The following FOXO3 variants were observed in gnomAD, a reference collection of about 807,000 sequenced individuals.
FOXO3 encodes the protein forkhead box protein O3.
In FOXO3, 4 loss-of-function variants were observed where a neutral mutation model predicts 41.9. The ratio of observed to expected loss-of-function variants is 0.10; its 90% CI spans 0.05 to 0.22. The LOEUF (loss-of-function observed/expected upper bound fraction) is 0.22, where lower values mean the gene tolerates loss of function less well. Among genes scored for constraint, FOXO3 ranks in the 10% least tolerant of loss-of-function variants. FOXO3 has a pLI of 1.00. For missense variants in FOXO3, 534 were observed against 906.8 expected, an observed-to-expected ratio of 0.59 and a Z score of 5.28; for synonymous variants, 318 against 389.3, an observed-to-expected ratio of 0.82 and a Z score of 2.16.
Position 108,681,911 on chromosome 6 carries a change from C to G in FOXO3, c.*2119C>G, listed in dbSNP as rs1402385934. ...TCCAGTAGCAGTGAAGGAGGGTTGCCTCTCCAAGCTTCCTAAGGGATGCTG... is the reference window on the plus strand; with the variant it reads ...TCCAGTAGCAGTGAAGGAGGGTTGCGTCTCCAAGCTTCCTAAGGGATGCTG... On this transcript the variant is annotated 3_prime_UTR_variant, in exon 3 of 3. Coordinates refer to ENST00000406360, the MANE Select transcript of FOXO3 (RefSeq NM_001455.4). 3.3e-5 allele frequency: 5 copies of G among 152,152 alleles called. No individual in the cohort carries two copies. The highest frequency in any genetic ancestry group is 5.9e-5 in the Non-Finnish European group (4 of 68,006). 9.4% of individuals were successfully genotyped at this position (152,152 alleles called of 1,614,324 possible).
chr6:108,657,146 G>C (rs916661573), intron 1 of FOXO3, among the ~76,000 whole-genome samples: 1 of 152,196 alleles, frequency 6.6e-6, no homozygotes, highest in African/African-American at 2.4e-5. Flanking sequence ...TTGTAAAAGA[G>C]AAGATGGACA....
chr6:108,602,337 T>G (rs1180153411), intron 1 of FOXO3, among the ~76,000 whole-genome samples: 1 of 152,184 alleles, frequency 6.6e-6, no homozygotes, highest in Non-Finnish European at 1.5e-5. Flanking sequence ...ACACAGAGCA[T>G]TATTACTTTA....
upstream of FOXO3, among the ~76,000 whole-genome samples, chr6:108,560,534 C>T (rs1775742597): frequency 6.6e-6 from 1 of 152,114 alleles, no homozygotes; most frequent in South Asian, 2.1e-4. Context: ...GAGCTGCCCG[C>T]GCAGTCCCCG....
At chr6:108,613,192 T>A (rs1289868900) in intron 1 of FOXO3, among the ~76,000 whole-genome samples, 1 of 152,246 alleles carries the variant, frequency 6.6e-6, no homozygotes, top group Non-Finnish European at 1.5e-5. Context: ...ATGAGGAATA[T>A]TGATCTATAC....
chr6:108,598,642 G>A (rs1776959470), intron 1 of FOXO3, among the ~76,000 whole-genome samples: 1 of 152,152 alleles, frequency 6.6e-6, no homozygotes, highest in Non-Finnish European at 1.5e-5. Flanking sequence ...TGTGGGGAGG[G>A]GAGTGTTACA....
At chr6:108,666,112 G>A (rs1405797014) in intron 2 of FOXO3, among the ~76,000 whole-genome samples, 1 of 152,026 alleles carries the variant, frequency 6.6e-6, no homozygotes, top group Non-Finnish European at 1.5e-5. Flanking sequence ...TGTGTCTTAG[G>A]TCTCTGAGTC....
Position 108,561,041 on chromosome 6 carries a change from C to T in FOXO3, c.-168C>T. ...GACTCGCCGAGGACGGGGCTCCGGC[C>T]CGGGATAACCAACTCTCCTTCTCTC... is the stretch of plus-strand genomic sequence containing the variant. On this transcript the variant is annotated 5_prime_UTR_variant, in exon 1 of 3. Coordinates refer to ENST00000406360, the MANE Select transcript of FOXO3 (RefSeq NM_001455.4). 2 of 1,397,990 alleles carry T rather than the reference C, an allele frequency of 1.4e-6. No individual in the cohort carries two copies. Among genetic ancestry groups the T allele is most frequent in the East Asian group, 3.0e-5 (1 of 32,988 alleles). 86.6% of individuals were successfully genotyped at this position (1,397,990 alleles called of 1,614,324 possible).
intron 1 of FOXO3, among the ~76,000 whole-genome samples, chr6:108,606,329 CTG>C (rs1214207826): frequency 6.6e-6 from 1 of 152,188 alleles, no homozygotes; most frequent in African/African-American, 2.4e-5. Flanking sequence ...ACCCCATAGA[CTG>C]TACCCTTCCC....
At chr6:108,587,222 C>T (rs1025488276) in intron 1 of FOXO3, among the ~76,000 whole-genome samples, 10 of 152,048 alleles carry the variant, frequency 6.6e-5, no homozygotes, top group African/African-American at 2.4e-4. Context: ...TTCTGAGTGA[C>T]AGAGTGAATA....
intron 1 of FOXO3, among the ~76,000 whole-genome samples, chr6:108,648,384 G>A (rs2128381636): frequency 6.6e-6 from 1 of 152,276 alleles, no homozygotes. Flanking sequence ...AGTAACAGCT[G>A]AAAAAGATGG....
intron 1 of FOXO3, among the ~76,000 whole-genome samples, chr6:108,576,830 C>A (rs1358259430): frequency 6.6e-6 from 1 of 152,118 alleles, no homozygotes; most frequent in Non-Finnish European, 1.5e-5. Flanking sequence ...TAGCTAGTTT[C>A]TTTTGTGTTC....
In FOXO3 at chr6:108,561,328, C is replaced by G; in HGVS notation, c.120C>G (p.Leu40=). The G allele has an allele frequency of 6.4e-7, 1 of 1,564,322 alleles. No homozygotes were observed. The highest frequency in any genetic ancestry group is 2.4e-5 in the East Asian group (1 of 41,966). Reference sequence around the variant, plus strand: ...CGTGGCCCCTGCAAAGGCCGGAGCTCCAAGCGAGCCCTGCCAAGCCCTCGG... The same window carrying G: ...CGTGGCCCCTGCAAAGGCCGGAGCTGCAAGCGAGCCCTGCCAAGCCCTCGG... ...SCTWPLQRPE[L]QASPAKPSGE... The change falls in exon 1 of 3, where the codon CTC becomes CTG. Residue 40 remains leucine (L), a synonymous_variant. Coordinates refer to ENST00000406360, the MANE Select transcript of FOXO3 (RefSeq NM_001455.4).
At chr6:108,583,974 C>T (rs57268756) in intron 1 of FOXO3, among the ~76,000 whole-genome samples, 2,437 of 152,294 alleles carry the variant, frequency 0.016, 65 homozygotes, top group African/African-American at 0.056. Context: ...GGCAGTGGTG[C>T]TGGCTTCTGC....
At chr6:108,658,052 C>T (rs745307976) in intron 1 of FOXO3, among the ~76,000 whole-genome samples, 30 of 152,098 alleles carry the variant, frequency 2.0e-4, no homozygotes, top group Non-Finnish European at 3.8e-4. Context: ...GTGGAGTATG[C>T]ACAGGTTTAG....
At chr6:108,673,676 C>T (rs1173589586) in intron 2 of FOXO3, among the ~76,000 whole-genome samples, 3 of 152,170 alleles carry the variant, frequency 2.0e-5, no homozygotes, top group Admixed American at 1.3e-4. Context: ...GATGGACTGG[C>T]AATTACACCT....
chr6:108,683,593 G>A lies in FOXO3; in HGVS notation c.*3801G>A, dbSNP rs1249276380. ...CCCAGCTACTCTGGAGGCTGAGGCA[G>A]GAGAATCGCTTGAACCCAGGAGGCG... is the stretch of plus-strand genomic sequence containing the variant. On this transcript the variant is annotated 3_prime_UTR_variant, in exon 3 of 3. Coordinates refer to ENST00000406360, the MANE Select transcript of FOXO3 (RefSeq NM_001455.4). The A allele has an allele frequency of 6.6e-6, 1 of 152,010 alleles. No individual in the cohort carries two copies. The highest frequency in any genetic ancestry group is 2.4e-5 in the African/African-American group (1 of 41,404). The allele number at this position is 152,010 out of a possible 1,614,324, so 9.4% of individuals were successfully genotyped here.
intron 1 of FOXO3, among the ~76,000 whole-genome samples, chr6:108,565,784 C>T (rs1359245777): frequency 6.6e-6 from 1 of 152,186 alleles, no homozygotes; most frequent in East Asian, 1.9e-4. Flanking sequence ...CTCACTGTTT[C>T]TGTTCTTTAG....
intron 1 of FOXO3, among the ~76,000 whole-genome samples, chr6:108,655,812 T>C (rs1046336002): frequency 3.3e-5 from 5 of 152,192 alleles, no homozygotes; most frequent in Admixed American, 2.0e-4. Flanking sequence ...TGGGGTTCCA[T>C]TGGGCTGTTC....
At chr6:108,615,968 A>C (rs1777493272) in intron 1 of FOXO3, among the ~76,000 whole-genome samples, 1 of 151,096 alleles carries the variant, frequency 6.6e-6, no homozygotes, top group Non-Finnish European at 1.5e-5. Context: ...CTACCTTCTT[A>C]CTACATAGAG....
Sources: gnomAD v4.1 joint callset for allele counts (sites outside exome capture counted in the v4.1 genomes callset) on GRCh38, gnomAD v4.1.1 for gene constraint, MANE v1.5 for transcripts, NCBI Gene and HGNC (gene_info 2026-07-23, HGNC 2026-07-21) for gene names.